Variants in KCNAB1 observed in about 807,000 individuals in gnomAD.
The protein encoded by KCNAB1 is voltage-gated potassium channel subunit beta-1.
In KCNAB1, 35 loss-of-function variants were observed where a neutral mutation model predicts 64.6. That is an observed-to-expected ratio of 0.54 (90% CI 0.41 to 0.72). KCNAB1 has a LOEUF of 0.72. KCNAB1 is among the 30% of genes least tolerant of loss of function. The pLI, the probability that KCNAB1 is intolerant of heterozygous loss-of-function variation, is 0.00. For synonymous variants in KCNAB1, 177 were observed against 183.8 expected, an observed-to-expected ratio of 0.96 and a Z score of 0.30; for missense variants, 401 against 512.9, an observed-to-expected ratio of 0.78 and a Z score of 2.11.
intron 1 of KCNAB1, among the ~76,000 whole-genome samples, chr3:156,204,666 A>G (rs1714544802): frequency 6.6e-6 from 1 of 152,092 alleles, no homozygotes; most frequent in African/African-American, 2.4e-5. Context: ...CCCCATCTCT[A>G]CTAAAAATAA....
intron 1 of KCNAB1, among the ~76,000 whole-genome samples, chr3:156,135,439 C>CAATA (rs1285963615): frequency 6.6e-6 from 1 of 152,176 alleles, no homozygotes; most frequent in Non-Finnish European, 1.5e-5. Context: ...GAAACTTGCA[C>CAATA]TTTATTCCAG....
intron 1 of KCNAB1, among the ~76,000 whole-genome samples, chr3:156,244,496 G>T (rs1224956860): frequency 1.3e-5 from 2 of 152,184 alleles, no homozygotes; most frequent in Non-Finnish European, 2.9e-5. Context: ...GCAGGATGTG[G>T]ATTTCTTTGG....
At chr3:156,366,089 T>C (rs375649622) in intron 1 of KCNAB1, among the ~76,000 whole-genome samples, 1 of 152,172 alleles carries the variant, frequency 6.6e-6, no homozygotes, top group Non-Finnish European at 1.5e-5. Context: ...TAAAAATTAT[T>C]ATAACTAATG....
intron 1 of KCNAB1, among the ~76,000 whole-genome samples, chr3:156,341,310 C>T (rs2167146): frequency 0.11 from 17,282 of 152,120 alleles, 1,013 homozygotes; most frequent in Middle Eastern, 0.21. Context: ...CAAATCTAGA[C>T]GACGAGTTAA....
intron 1 of KCNAB1, among the ~76,000 whole-genome samples, chr3:156,130,261 A>G (rs552195323): frequency 3.3e-5 from 5 of 152,358 alleles, no homozygotes; most frequent in African/African-American, 1.2e-4. Context: ...AGCTTAGAAC[A>G]TGGCTTAAGA....
intron 11 of KCNAB1, among the ~76,000 whole-genome samples, chr3:156,519,270 A>G (rs1717776790): frequency 1.3e-5 from 2 of 152,222 alleles, no homozygotes; most frequent in African/African-American, 2.4e-5. Context: ...ATCATTGCTT[A>G]TAGGACAAAG....
At chr3:156,254,646 C>T (rs999920183) in intron 1 of KCNAB1, among the ~76,000 whole-genome samples, 8 of 152,208 alleles carry the variant, frequency 5.3e-5, no homozygotes, top group Non-Finnish European at 1.0e-4. Context: ...TACAAAGGCT[C>T]ACAGTAGAAA....
intron 1 of KCNAB1, among the ~76,000 whole-genome samples, chr3:156,177,399 G>A (rs114354487): frequency 0.035 from 5,261 of 152,126 alleles, 219 homozygotes; most frequent in African/African-American, 0.095. Context: ...TTATTTGAGA[G>A]GGAGTCTCTC....
chr3:156,507,529 C>G (rs1348334162), intron 8 of KCNAB1, among the ~76,000 whole-genome samples: 1 of 152,196 alleles, frequency 6.6e-6, no homozygotes, highest in Non-Finnish European at 1.5e-5. Context: ...AGTCCTCTAT[C>G]TCCAGGCATC....
At chr3:156,316,952 T>G (rs498033) in intron 1 of KCNAB1, among the ~76,000 whole-genome samples, 94,226 of 152,026 alleles carry the variant, frequency 0.62, 31,590 homozygotes, top group African/African-American at 0.9. Flanking sequence ...AAACCCCGTC[T>G]CAGGGTGGAG....
Position 156,220,488 on chromosome 3 carries a change from G to A in KCNAB1, c.275+99602G>A, listed in dbSNP as rs546591043. 2.3e-3 allele frequency among the ~76,000 whole-genome samples: 349 copies of A among 149,634 alleles called. 2 individuals are homozygous for A. Among genetic ancestry groups the A allele is most frequent in the African/African-American group, 7.7e-3 (315 of 40,914 alleles). ...GACCAGTGATGATGAGCATTTTTTC[G>A]TGTGTCTGTTGGCTGCATAAATGTC... is the stretch of plus-strand genomic sequence containing the variant. On this transcript the variant is annotated intron_variant, in intron 1 of 13. Transcript: ENST00000490337.
chr3:156,328,999 T>C (rs1723161761), intron 1 of KCNAB1, among the ~76,000 whole-genome samples: 1 of 152,114 alleles, frequency 6.6e-6, no homozygotes, highest in Non-Finnish European at 1.5e-5. Flanking sequence ...ATTATCAAAA[T>C]TTTCTATAGT....
At chr3:156,173,729 G>C (rs1223378597) in intron 1 of KCNAB1, among the ~76,000 whole-genome samples, 1 of 152,206 alleles carries the variant, frequency 6.6e-6, no homozygotes, top group Non-Finnish European at 1.5e-5. Context: ...GGGCCACAGG[G>C]TGCCCAGATG....
chr3:156,354,047 A>ATATGTGTGTGTGTGTGTG (rs1553851297), intron 1 of KCNAB1, among the ~76,000 whole-genome samples: 16 of 137,584 alleles, frequency 1.2e-4, no homozygotes, highest in African/African-American at 4.3e-4. Flanking sequence ...GTGTATATAT[A>ATATGTGTGTGTGTGTGTG]TGTGTGTGTG....
At chr3:156,513,105 G>A (rs980659861) in intron 8 of KCNAB1, among the ~76,000 whole-genome samples, 3 of 152,224 alleles carry the variant, frequency 2.0e-5, no homozygotes, top group Non-Finnish European at 2.9e-5. Flanking sequence ...CCAGCTACTC[G>A]GGAGGCTGAG....
At chr3:156,476,297 C>G (rs1007025598) in intron 8 of KCNAB1, among the ~76,000 whole-genome samples, 7 of 152,038 alleles carry the variant, frequency 4.6e-5, no homozygotes, top group African/African-American at 1.4e-4. Flanking sequence ...CCTCACTCCT[C>G]TCCCACTCTT....
At chr3:156,314,432 G>A (rs1480073222) in intron 1 of KCNAB1, among the ~76,000 whole-genome samples, 1 of 152,136 alleles carries the variant, frequency 6.6e-6, no homozygotes, top group Non-Finnish European at 1.5e-5. Context: ...AGTAAACAGA[G>A]GCTCAGAAAG....
intron 1 of KCNAB1, among the ~76,000 whole-genome samples, chr3:156,188,638 A>AATATAC (rs1713360211): frequency 6.6e-6 from 1 of 152,250 alleles, no homozygotes; most frequent in Non-Finnish European, 1.5e-5. Flanking sequence ...TACTAATTTC[A>AATATAC]ATATACATTA....
intron 1 of KCNAB1, among the ~76,000 whole-genome samples, chr3:156,326,183 C>T (rs1314200052): frequency 6.6e-6 from 1 of 152,096 alleles, no homozygotes; most frequent in Non-Finnish European, 1.5e-5. Context: ...GTATTTTTGC[C>T]TTGTTGCATT....
Sources: gnomAD v4.1 joint callset for allele counts (sites outside exome capture counted in the v4.1 genomes callset) on GRCh38, gnomAD v4.1.1 for gene constraint, MANE v1.5 for transcripts, NCBI Gene and HGNC (gene_info 2026-07-23, HGNC 2026-07-21) for gene names.